The following DPYD variants were observed in gnomAD, a reference collection of about 807,000 sequenced individuals.
DPYD encodes dihydropyrimidine dehydrogenase [NADP(+)].
In DPYD, 109 loss-of-function variants were observed where a neutral mutation model predicts 116.2. The ratio of observed to expected loss-of-function variants is 0.94; its 90% CI spans 0.80 to 1.10. The LOEUF is 1.10. Among genes scored for constraint, DPYD ranks in the 50% least tolerant of loss-of-function variants. The pLI is 0.00. For missense variants in DPYD, 1,302 were observed against 1,254.5 expected (o/e 1.04, Z -0.57); for synonymous variants, 440 against 432.0 (o/e 1.02, Z -0.23).
chr1:97,712,065 T>C (rs1483369580), intron 5 of DPYD, among the ~76,000 whole-genome samples: 1 of 152,036 alleles, frequency 6.6e-6, no homozygotes, highest in Non-Finnish European at 1.5e-5. Context: ...TATTGCACAA[T>C]ATTACCACAA....
intron 19 of DPYD, among the ~76,000 whole-genome samples, chr1:97,223,935 G>C (rs926667136): frequency 1.2e-4 from 18 of 151,860 alleles, no homozygotes; most frequent in African/African-American, 4.1e-4. Flanking sequence ...CTTTTTTTCA[G>C]AGTAGCCCTC....
chr1:97,178,024 C>T (rs150115391), intron 20 of DPYD, among the ~76,000 whole-genome samples: 180 of 152,198 alleles, frequency 1.2e-3, no homozygotes, highest in African/African-American at 4.0e-3. Context: ...CCAAAGGCCC[C>T]ACCTCCTAAT....
At chr1:97,484,141 C>G (rs957501751) in intron 13 of DPYD, among the ~76,000 whole-genome samples, 1 of 152,142 alleles carries the variant, frequency 6.6e-6, no homozygotes, top group African/African-American at 2.4e-5. Flanking sequence ...CCCGTCTCTA[C>G]TAAAAATACA....
intron 2 of DPYD, among the ~76,000 whole-genome samples, chr1:97,863,385 C>T (rs745963073): frequency 1.3e-5 from 2 of 151,928 alleles, no homozygotes; most frequent in Non-Finnish European, 2.9e-5. Context: ...TCAGCATTCA[C>T]TGTTTAAACC....
chr1:97,706,359 T>C (rs866441794), intron 5 of DPYD, among the ~76,000 whole-genome samples: 1 of 151,968 alleles, frequency 6.6e-6, no homozygotes, highest in African/African-American at 2.4e-5. Flanking sequence ...CTCCCTATTA[T>C]CAACATCCTC....
intron 13 of DPYD, among the ~76,000 whole-genome samples, chr1:97,494,669 G>T (rs1232742053): frequency 6.6e-6 from 1 of 151,868 alleles, no homozygotes; most frequent in East Asian, 1.9e-4. Flanking sequence ...CTTGAGCCCA[G>T]GAGATCAGGC....
Position 97,691,578 on chromosome 1 carries a change from G to A in DPYD, c.762+139C>T. ...AGACAGACAAATGCCCTAAGCAAGG[G>A]GAAGCATCTTTCTGCTTCTGCCTGA... On this transcript the variant is annotated intron_variant, in intron 7 of 22. Transcript: ENST00000370192. 7 of 725,524 alleles carry A rather than the reference G, an allele frequency of 9.6e-6. No homozygotes were observed. The South Asian group carries it at 1.2e-4, about 12-fold the overall frequency. 44.9% of individuals were successfully genotyped at this position (725,524 alleles called of 1,614,324 possible).
intron 14 of DPYD, among the ~76,000 whole-genome samples, chr1:97,438,853 C>T (rs945595329): frequency 1.3e-5 from 2 of 152,002 alleles, no homozygotes; most frequent in Admixed American, 6.5e-5. Flanking sequence ...GACAGTTTTA[C>T]TTCTTCCTTT....
intron 3 of DPYD, among the ~76,000 whole-genome samples, chr1:97,753,075 AG>A (rs1404215607): frequency 6.6e-6 from 1 of 152,186 alleles, no homozygotes; most frequent in African/African-American, 2.4e-5. Flanking sequence ...TATTTATGCA[AG>A]GGGTTACTAT....
chr1:97,357,696 C>T (rs541769678), intron 16 of DPYD, among the ~76,000 whole-genome samples: 177 of 152,278 alleles, frequency 1.2e-3, no homozygotes, highest in Non-Finnish European at 2.0e-3. Context: ...TCCACCCTTC[C>T]ACCCTTCTGA....
At chr1:97,227,504 T>C (rs1231671450) in intron 19 of DPYD, among the ~76,000 whole-genome samples, 3 of 151,954 alleles carry the variant, frequency 2.0e-5, no homozygotes, top group African/African-American at 4.8e-5. Flanking sequence ...TATATTAAAA[T>C]AGCTCACATA....
chr1:97,920,747 C>T, intron 1 of DPYD, 137 bp downstream of exon 1: 1 of 1,272,538 alleles, frequency 7.9e-7, no homozygotes, highest in Non-Finnish European at 1.1e-6. Context: ...CGCTCCCCCG[C>T]AGAGCTCCCA....
intron 18 of DPYD, among the ~76,000 whole-genome samples, chr1:97,302,238 G>A (rs139649760): frequency 6.6e-6 from 1 of 151,964 alleles, no homozygotes; most frequent in Non-Finnish European, 1.5e-5. Flanking sequence ...CAATGGTTTA[G>A]ACAGAGTACT....
Position 97,815,047 on chromosome 1 carries a change from GAGAA to G in DPYD, c.233+13063_233+13066del, listed in dbSNP as rs941895759. On this transcript the variant is annotated intron_variant, in intron 3 of 22. Coordinates refer to ENST00000370192, the MANE Select transcript of DPYD (RefSeq NM_000110.4). ...AGGAGGAAGGAAGGAAGGAGAGAGA[GAGAA>G]AGAGGGAGAAAGAAAGAAAGAAAAG... Among the ~76,000 whole-genome samples, 31 of 149,776 alleles carry G rather than the reference GAGAA, an allele frequency of 2.1e-4. No individual in the cohort carries two copies. In the East Asian group the frequency reaches 5.3e-3, roughly 26 times the overall value.
At chr1:97,189,285 G>A (rs1332221742) in intron 20 of DPYD, among the ~76,000 whole-genome samples, 2 of 152,138 alleles carry the variant, frequency 1.3e-5, no homozygotes, top group African/African-American at 4.8e-5. Flanking sequence ...CAAAGGTCAG[G>A]GAATAGCTCA....
intron 6 of DPYD, among the ~76,000 whole-genome samples, chr1:97,693,921 T>C (rs1158808974): frequency 1.3e-5 from 2 of 152,066 alleles, no homozygotes; most frequent in African/African-American, 4.8e-5. Context: ...GAAAGGCATG[T>C]TATAAAAAGC....
chr1:97,725,085 G>A (rs745672122), intron 4 of DPYD, among the ~76,000 whole-genome samples: 6 of 151,030 alleles, frequency 4.0e-5, no homozygotes, highest in Non-Finnish European at 7.4e-5. Flanking sequence ...ACTATGAGAA[G>A]TAATAAAAGT....
chr1:97,390,934 A>G (rs557652749), intron 14 of DPYD, among the ~76,000 whole-genome samples: 2 of 151,954 alleles, frequency 1.3e-5, no homozygotes, highest in Non-Finnish European at 1.5e-5. Context: ...TATATTATAT[A>G]CTTTTCAGCC....
intron 20 of DPYD, among the ~76,000 whole-genome samples, chr1:97,155,126 G>A (rs1285485618): frequency 6.6e-6 from 1 of 152,122 alleles, no homozygotes; most frequent in Non-Finnish European, 1.5e-5. Flanking sequence ...CGTATATGTG[G>A]CCTGAATAGT....
Sources: allele counts gnomAD v4.1 joint callset (sites outside exome capture counted in the v4.1 genomes callset), GRCh38; gene constraint gnomAD v4.1.1; transcripts MANE v1.5; gene names NCBI Gene and HGNC (gene_info 2026-07-23, HGNC 2026-07-21).